The following KCNJ12 variants were observed in gnomAD, a reference collection of about 807,000 sequenced individuals.
KCNJ12 encodes the protein ATP-sensitive inward rectifier potassium channel 12.
A neutral mutation model predicts 22.3 loss-of-function variants in KCNJ12; 2 were observed. The observed-to-expected ratio is 0.09, with a 90% CI of 0.04 to 0.28. KCNJ12 has a LOEUF of 0.28. Ranked by LOEUF, KCNJ12 falls within the 10% of genes least tolerant of loss-of-function variation. The probability of loss-of-function intolerance (pLI) is 1.00; values close to 1 mark genes in which losing one functional copy is unlikely to be tolerated. For synonymous variants in KCNJ12, 117 were observed against 261.4 expected (o/e 0.45, Z 5.33); for missense variants, 155 against 633.3 (o/e 0.24, Z 8.11).
intron 1 of KCNJ12, among the ~76,000 whole-genome samples, chr17:21,384,176 G>A (rs1233456470): frequency 3.3e-5 from 5 of 152,084 alleles, no homozygotes; most frequent in South Asian, 2.1e-4. Flanking sequence ...ATGTCATGGC[G>A]TCCCCTGCAC....
chr17:21,402,331 CT>C (rs1290123532), intron 1 of KCNJ12, among the ~76,000 whole-genome samples: 6 of 152,014 alleles, frequency 3.9e-5, no homozygotes, highest in African/African-American at 9.7e-5. Flanking sequence ...TACTCAAGTT[CT>C]TTTTTTTTCC....
chr17:21,397,758 C>T (rs547933834), intron 1 of KCNJ12, among the ~76,000 whole-genome samples: 3 of 152,312 alleles, frequency 2.0e-5, no homozygotes, highest in Admixed American at 2.0e-4. Flanking sequence ...GGAGAATCAG[C>T]CAGTGCGGCC....
intron 1 of KCNJ12, among the ~76,000 whole-genome samples, chr17:21,390,887 TCGTGCAGC>T (rs1326982887): frequency 3.2e-4 from 48 of 152,356 alleles, no homozygotes; most frequent in Middle Eastern, 3.4e-3. Flanking sequence ...ATTCACACTG[TCGTGCAGC>T]CATCACCTCT....
chr17:21,391,736 C>T (rs1213422870), intron 1 of KCNJ12, among the ~76,000 whole-genome samples: 2 of 152,346 alleles, frequency 1.3e-5, no homozygotes, highest in Non-Finnish European at 2.9e-5. Flanking sequence ...GTGACATCTC[C>T]CTTGGGGTCT....
intron 2 of KCNJ12, among the ~76,000 whole-genome samples, chr17:21,409,677 C>T (rs1334395729): frequency 1.3e-5 from 2 of 152,304 alleles, no homozygotes; most frequent in African/African-American, 2.4e-5. Context: ...AATGGCAGAG[C>T]GTGCCCATGG....
At chr17:21,384,001 C>G (rs1904984507) in intron 1 of KCNJ12, among the ~76,000 whole-genome samples, 1 of 152,146 alleles carries the variant, frequency 6.6e-6, no homozygotes, top group Admixed American at 6.5e-5. Flanking sequence ...CTCCTCACCC[C>G]CTGCCTCCCC....
intron 1 of KCNJ12, among the ~76,000 whole-genome samples, chr17:21,387,411 C>T (rs1905103084): frequency 7.4e-6 from 1 of 134,310 alleles, no homozygotes; most frequent in Non-Finnish European, 1.5e-5. Context: ...CATAGCACTC[C>T]AGCCTGGCGA....
intron 1 of KCNJ12, among the ~76,000 whole-genome samples, chr17:21,389,438 G>A (rs1460644327): frequency 6.6e-6 from 1 of 152,270 alleles, no homozygotes; most frequent in East Asian, 1.9e-4. Context: ...ACATCCCGGA[G>A]CCCTGGCCCC....
intron 1 of KCNJ12, among the ~76,000 whole-genome samples, chr17:21,399,512 A>G (rs1328369400): frequency 6.6e-6 from 1 of 152,162 alleles, no homozygotes; most frequent in Non-Finnish European, 1.5e-5. Flanking sequence ...CCAGGTCAGT[A>G]CAGCACAGCA....
At chr17:21,377,118 T>G (rs1904684720) in intron 1 of KCNJ12, among the ~76,000 whole-genome samples, 1 of 152,232 alleles carries the variant, frequency 6.6e-6, no homozygotes, top group Non-Finnish European at 1.5e-5. Flanking sequence ...CTGCGAGCTT[T>G]TCTTTTCCTG....
rs1567699125 is a variant in KCNJ12 at position 21,394,423 on chromosome 17, A to G, written c.-178-14096A>G. Among the ~76,000 whole-genome samples the G allele has an allele frequency of 3.3e-5, 5 of 152,310 alleles. No homozygotes were observed. The East Asian group carries it at 5.8e-4, about 18-fold the overall frequency. On this transcript the variant is annotated intron_variant, in intron 1 of 2. Coordinates refer to ENST00000583088, the MANE Select transcript of KCNJ12 (RefSeq NM_021012.5). ...CATCTAGCTTTGTGTAAGTCTCTCT[A>G]TGATGTTTGCTCAGTGATGAAACTG...
intron 2 of KCNJ12, among the ~76,000 whole-genome samples, chr17:21,411,260 C>T (rs1906326320): frequency 6.6e-6 from 1 of 152,312 alleles, no homozygotes; most frequent in Non-Finnish European, 1.5e-5. Context: ...GTGGCAGCTG[C>T]CGTCTGGCAT....
At chr17:21,401,360 G>A (rs1236689931) in intron 1 of KCNJ12, among the ~76,000 whole-genome samples, 5 of 152,270 alleles carry the variant, frequency 3.3e-5, no homozygotes, top group African/African-American at 1.2e-4. Context: ...CCCAAGCAAG[G>A]CCATAGAGCA....
At chr17:21,399,586 C>T (rs1272635076) in intron 1 of KCNJ12, among the ~76,000 whole-genome samples, 6 of 152,300 alleles carry the variant, frequency 3.9e-5, no homozygotes, top group African/African-American at 1.4e-4. Context: ...ATAGCCCCTG[C>T]CTCCTCACAG....
chr17:21,409,620 T>C (rs1906204584), intron 2 of KCNJ12, among the ~76,000 whole-genome samples: 1 of 152,306 alleles, frequency 6.6e-6, no homozygotes, highest in South Asian at 2.1e-4. Flanking sequence ...CATCAGTCAC[T>C]GACTGAAAGC....
At chr17:21,387,925 G>C (rs1555558881) in intron 1 of KCNJ12, among the ~76,000 whole-genome samples, 1 of 152,174 alleles carries the variant, frequency 6.6e-6, no homozygotes, top group Non-Finnish European at 1.5e-5. Flanking sequence ...CCCCCCGAGG[G>C]TCGTGCTGGT....
rs1555562971 is a variant in KCNJ12 at position 21,416,526 on chromosome 17, A to T, written c.1184A>T (p.Asp395Val). The stretch of plus-strand genomic sequence containing the variant: ...GACGAGGAGGATGAGGCGGACGGAG[A>T]CCAGGACGGCCGAAGCCGGGACGGC... ...SRDEEDEADG[D>V]QDGRSRDGLS... is the part of the protein sequence containing the mutation. The change falls in exon 3 of 3, where the codon GAC becomes GTC. Residue 395 changes from aspartate to valine, a missense_variant. Coordinates refer to ENST00000583088, the MANE Select transcript of KCNJ12 (RefSeq NM_021012.5). 1.2e-6 allele frequency: 2 copies of T among 1,611,942 alleles called. No homozygotes were observed. Among genetic ancestry groups the T allele is most frequent in the South Asian group, 1.1e-5 (1 of 91,068 alleles).
intron 1 of KCNJ12, among the ~76,000 whole-genome samples, chr17:21,396,094 G>C (rs373843395): frequency 3.3e-5 from 5 of 152,156 alleles, no homozygotes; most frequent in African/African-American, 7.2e-5. Flanking sequence ...CTGGGCCCCC[G>C]GGCGCAGGCA....
At chr17:21,407,669 A>G (rs2142069383) in intron 1 of KCNJ12, among the ~76,000 whole-genome samples, 1 of 151,180 alleles carries the variant, frequency 6.6e-6, no homozygotes, top group East Asian at 2.0e-4. Context: ...TCACCCACCC[A>G]TCTACCCTTC....
Sources: gnomAD v4.1 joint callset for allele counts (sites outside exome capture counted in the v4.1 genomes callset) on GRCh38, gnomAD v4.1.1 for gene constraint, MANE v1.5 for transcripts, NCBI Gene and HGNC (gene_info 2026-07-23, HGNC 2026-07-21) for gene names.